Variants in DDX60L observed in about 807,000 individuals in gnomAD.
DDX60L encodes probable ATP-dependent RNA helicase DDX60-like.
DDX60L carries 191 observed loss-of-function variants against 211.6 expected under a neutral mutation model. That is an observed-to-expected ratio of 0.90 (90% CI 0.80 to 1.02). DDX60L has a LOEUF of 1.02. DDX60L is among the 50% of genes least tolerant of loss of function. The pLI, the probability that DDX60L is intolerant of heterozygous loss-of-function variation, is 0.00. For synonymous variants in DDX60L, 706 were observed against 694.1 expected (o/e 1.02, Z -0.27); for missense variants, 2,007 against 1,984.1 (o/e 1.01, Z -0.22).
At chr4:168,401,343 A>G (rs554340570) in intron 25 of DDX60L, among the ~76,000 whole-genome samples, 1 of 152,308 alleles carries the variant, frequency 6.6e-6, no homozygotes, top group East Asian at 1.9e-4. Context: ...CCAATTCCCA[A>G]TCAGAAAATT....
rs568939211 is a variant in DDX60L at position 168,480,398 on chromosome 4, G to C, written c.-132C>G. 6 of 152,530 alleles carry C rather than the reference G, an allele frequency of 3.9e-5. No homozygotes were observed. Among genetic ancestry groups the C allele is most frequent in the Non-Finnish European group, 7.3e-5 (5 of 68,350 alleles). 9.4% of individuals were successfully genotyped at this position (152,530 alleles called of 1,614,324 possible). On this transcript the variant is annotated 5_prime_UTR_variant, in exon 1 of 38. Coordinates refer to ENST00000682922, the MANE Select transcript of DDX60L (RefSeq NM_001012967.3). Reference sequence around the variant, plus strand: ...TCACCCCGGCCGCCGAACCTGCTAGGTCCAAAGAGCTTCGGAGCTGCACGC... The same window carrying C: ...TCACCCCGGCCGCCGAACCTGCTAGCTCCAAAGAGCTTCGGAGCTGCACGC...
intron 9 of DDX60L, among the ~76,000 whole-genome samples, chr4:168,448,213 T>A (rs1755122087): frequency 6.6e-6 from 1 of 152,194 alleles, no homozygotes; most frequent in Non-Finnish European, 1.5e-5. Flanking sequence ...GTTTTATTAT[T>A]CTCTGACTAT....
At position 168,432,547 on chromosome 4, in the gene DDX60L, A is replaced by G. The variant is rs758213491; in HGVS notation, c.1424T>C (p.Leu475Pro). The stretch of plus-strand genomic sequence containing the variant: ...TTCATCAGATGTCTTTTGTTTAAAC[A>G]GTGAAGGAACAACCGGATCATCACT... ...LKSDDPVVPS[L>P]FKQKTSDELL... Residue 475 changes from leucine (L) to proline (P), a missense_variant, in exon 12 of 38, where the codon CTG becomes CCG. Transcript: ENST00000682922. 3.8e-6 allele frequency: 6 copies of G among 1,584,148 alleles called. No homozygotes were observed. In the African/African-American group the frequency reaches 6.8e-5, roughly 18 times the overall value.
At chr4:168,417,644 TC>T (rs1749785801) in intron 19 of DDX60L, among the ~76,000 whole-genome samples, 2 of 152,172 alleles carry the variant, frequency 1.3e-5, no homozygotes, top group African/African-American at 4.8e-5. Context: ...ATTTAATTGC[TC>T]TCCCCTTCAC....
Position 168,357,100 on chromosome 4 carries a change from G to T in DDX60L, c.*1047C>A, listed in dbSNP as rs750755460. On this transcript the variant is annotated 3_prime_UTR_variant, in exon 38 of 38. Coordinates refer to ENST00000682922, the MANE Select transcript of DDX60L (RefSeq NM_001012967.3). ...TTTTTTAAGTATGATACTGAGGGCA[G>T]AAACAATCTGAATTCCATATTCGGG... The T allele has an allele frequency of 2.0e-5, 3 of 152,114 alleles. No individual in the cohort carries two copies. Among genetic ancestry groups the T allele is most frequent in the Non-Finnish European group, 4.4e-5 (3 of 68,008 alleles). The allele number at this position is 152,114 out of a possible 1,614,324, so 9.4% of individuals were successfully genotyped here.
chr4:168,376,168 A>T (rs992881777), intron 33 of DDX60L, among the ~76,000 whole-genome samples: 1 of 152,220 alleles, frequency 6.6e-6, no homozygotes, highest in African/African-American at 2.4e-5. Flanking sequence ...TAGCTATGAC[A>T]TTAGAAATGT....
chr4:168,466,095 T>G (rs1396931538), intron 4 of DDX60L, among the ~76,000 whole-genome samples: 1 of 152,144 alleles, frequency 6.6e-6, no homozygotes, highest in East Asian at 1.9e-4. Flanking sequence ...AAAATTTTAC[T>G]GTTCATAAAT....
chr4:168,377,326 A>G (rs974913419), intron 33 of DDX60L, among the ~76,000 whole-genome samples: 1 of 148,978 alleles, frequency 6.7e-6, no homozygotes, highest in Non-Finnish European at 1.5e-5. Flanking sequence ...AAATAAATAA[A>G]TAAATAAATA....
intron 8 of DDX60L, among the ~76,000 whole-genome samples, chr4:168,449,677 A>AAAAT (rs1231061284): frequency 2.8e-5 from 4 of 144,716 alleles, no homozygotes; most frequent in Non-Finnish European, 4.6e-5. Flanking sequence ...AAAAAAGAAA[A>AAAAT]AAATTACTAA....
intron 23 of DDX60L, among the ~76,000 whole-genome samples, chr4:168,406,327 AG>A (rs1747739710): frequency 1.3e-5 from 2 of 152,248 alleles, no homozygotes; most frequent in African/African-American, 4.8e-5. Flanking sequence ...AGAAGAGAAT[AG>A]AGGAATATAA....
chr4:168,366,208 G>A (rs972369979), intron 36 of DDX60L, among the ~76,000 whole-genome samples: 1 of 152,024 alleles, frequency 6.6e-6, no homozygotes, highest in African/African-American at 2.4e-5. Context: ...GATTGTCCCT[G>A]TTTTCAGACA....
intron 17 of DDX60L, 73 bp from the exon 18 acceptor site, chr4:168,420,453 T>C: frequency 9.8e-7 from 1 of 1,022,524 alleles, no homozygotes; most frequent in Non-Finnish European, 1.4e-6. Context: ...GACAACCGAA[T>C]CCATACACAT....
At chr4:168,449,655 A>AAAAAAAAAAAAAAAAAAAAAAAATAC (rs1755459337) in intron 8 of DDX60L, among the ~76,000 whole-genome samples, 6 of 72,858 alleles carry the variant, frequency 8.2e-5, no homozygotes, top group African/African-American at 2.3e-4. Flanking sequence ...AAAAATGCAA[A>AAAAAAAAAAAAAAAAAAAAAAAATAC]AAAAAAAAAA....
chr4:168,473,238 T>A (rs368043791), intron 1 of DDX60L, among the ~76,000 whole-genome samples: 2 of 152,312 alleles, frequency 1.3e-5, no homozygotes, highest in African/African-American at 4.8e-5. Flanking sequence ...TAAGGAATTT[T>A]AAGGTGTTTC....
chr4:168,448,173 T>A (rs982884326), intron 9 of DDX60L, among the ~76,000 whole-genome samples: 26 of 152,216 alleles, frequency 1.7e-4, no homozygotes, highest in Non-Finnish European at 3.1e-4. Flanking sequence ...ACTTCAATAA[T>A]GTTCGTTCAG....
chr4:168,394,576 G>A lies in DDX60L; in HGVS notation c.3699C>T (p.His1233=), dbSNP rs745407490. 1.9e-5 allele frequency: 31 copies of A among 1,612,962 alleles called. No homozygotes were observed. The highest frequency in any genetic ancestry group is 8.9e-5 in the East Asian group (4 of 44,840). The change falls in exon 28 of 38, where the codon CAC becomes CAT. Residue 1233 remains histidine (H), a synonymous_variant. Transcript: ENST00000682922. ...GTGCTAAAGCCTTCAGTTCTTTGCC[G>A]TGTCTTGTAAATCGCACTCGCGGTA... is the stretch of plus-strand genomic sequence containing the variant. The part of the protein sequence containing the change: ...RVLPRVRFTR[H]GKELKALAQR...
intron 7 of DDX60L, among the ~76,000 whole-genome samples, chr4:168,454,757 C>CTTTT (rs1263885983): frequency 2.0e-5 from 1 of 48,934 alleles, no homozygotes; most frequent in African/African-American, 7.1e-5. Flanking sequence ...TAAACAGCTT[C>CTTTT]CTTTTTTTTT....
intron 33 of DDX60L, among the ~76,000 whole-genome samples, chr4:168,376,426 G>A (rs1049224482): frequency 2.0e-5 from 3 of 152,162 alleles, no homozygotes; most frequent in African/African-American, 7.2e-5. Flanking sequence ...ATGTCTATGA[G>A]ATAAACAGCT....
chr4:168,400,779 T>G, intron 26 of DDX60L, 47 bp downstream of exon 26: 1 of 1,497,340 alleles, frequency 6.7e-7, no homozygotes, highest in South Asian at 1.2e-5. Context: ...CTTGTAAATA[T>G]TTTAGTCTTC....
Sources: allele counts gnomAD v4.1 joint callset (sites outside exome capture counted in the v4.1 genomes callset), GRCh38; gene constraint gnomAD v4.1.1; transcripts MANE v1.5; gene names NCBI Gene and HGNC (gene_info 2026-07-23, HGNC 2026-07-21).